ATP2B1: variants seen among roughly 807,000 people sequenced by gnomAD.
The protein encoded by ATP2B1 is plasma membrane calcium-transporting ATPase 1.
Under a neutral mutation model 124.2 loss-of-function variants are expected in ATP2B1, and 14 were observed. The ratio of observed to expected loss-of-function variants is 0.11; its 90% confidence interval spans 0.07 to 0.18. The LOEUF is 0.18. Ranked by LOEUF, ATP2B1 falls within the 10% of genes least tolerant of loss-of-function variation. ATP2B1 has a pLI of 1.00. For synonymous variants in ATP2B1, 449 were observed against 492.4 expected (o/e 0.91, Z 1.17); for missense variants, 763 against 1,466.1 (o/e 0.52, Z 7.83).
chr12:89,686,717 T>A (rs1890013313), intron 1 of ATP2B1, among the ~76,000 whole-genome samples: 1 of 152,112 alleles, frequency 6.6e-6, no homozygotes, highest in Non-Finnish European at 1.5e-5. Context: ...CATCGGTGCA[T>A]GGCATATTTA....
intron 1 of ATP2B1, among the ~76,000 whole-genome samples, chr12:89,683,593 T>C (rs973171102): frequency 4.6e-5 from 7 of 152,238 alleles, no homozygotes; most frequent in Non-Finnish European, 7.3e-5. Context: ...CCCGTAACTA[T>C]TCTATCCAGC....
chr12:89,673,360 TCTC>T (rs1286478571), intron 1 of ATP2B1, among the ~76,000 whole-genome samples: 3 of 152,224 alleles, frequency 2.0e-5, no homozygotes, highest in African/African-American at 4.8e-5. Context: ...ATATATGCGC[TCTC>T]GTCTTTCCTA....
intron 11 of ATP2B1, 51 bp downstream of exon 11, chr12:89,619,948 C>T (rs753825646): frequency 9.4e-6 from 15 of 1,597,854 alleles, no homozygotes; most frequent in Non-Finnish European, 1.2e-5. Context: ...GTAGATACTC[C>T]ATAAAGCAAC....
chr12:89,616,432 A>G (rs891944695), intron 12 of ATP2B1, among the ~76,000 whole-genome samples: 10 of 152,200 alleles, frequency 6.6e-5, no homozygotes, highest in African/African-American at 2.4e-4. Context: ...GTACTAAACA[A>G]TATACAGAAC....
At chr12:89,619,442 A>G (rs1229098960) in intron 11 of ATP2B1, among the ~76,000 whole-genome samples, 1 of 151,478 alleles carries the variant, frequency 6.6e-6, no homozygotes, top group Non-Finnish European at 1.5e-5. Context: ...TGAAACCCTG[A>G]CTCTACTAAA....
chr12:89,643,805 A>C (rs568799001), intron 2 of ATP2B1, among the ~76,000 whole-genome samples: 6 of 152,338 alleles, frequency 3.9e-5, no homozygotes, highest in African/African-American at 1.2e-4. Context: ...AGAATGCTAG[A>C]GAAGCCAGGC....
At chr12:89,612,576 T>C (rs982698884) in intron 12 of ATP2B1, among the ~76,000 whole-genome samples, 1 of 152,210 alleles carries the variant, frequency 6.6e-6, no homozygotes, top group Non-Finnish European at 1.5e-5. Context: ...AATCTCTTCA[T>C]ACTTAATGTT....
At chr12:89,682,599 G>T (rs1342850979) in intron 1 of ATP2B1, among the ~76,000 whole-genome samples, 1 of 152,202 alleles carries the variant, frequency 6.6e-6, no homozygotes, top group Admixed American at 6.5e-5. Context: ...AATCATTTGT[G>T]AGGGAGAGGA....
chr12:89,665,800 T>C (rs1279021865), intron 1 of ATP2B1, among the ~76,000 whole-genome samples: 1 of 152,180 alleles, frequency 6.6e-6, no homozygotes, highest in Non-Finnish European at 1.5e-5. Context: ...GCTTCTATCC[T>C]GTCAATTCAC....
chr12:89,639,482 C>T (rs1405972162), intron 3 of ATP2B1, among the ~76,000 whole-genome samples: 6 of 151,408 alleles, frequency 4.0e-5, no homozygotes, highest in Non-Finnish European at 5.9e-5. Flanking sequence ...CCAGCCTGGG[C>T]GACACAGTGA....
At chr12:89,677,470 T>C (rs534336068) in intron 1 of ATP2B1, among the ~76,000 whole-genome samples, 1 of 152,246 alleles carries the variant, frequency 6.6e-6, no homozygotes, top group South Asian at 2.1e-4. Context: ...ACACTTTAAA[T>C]GGAAGAACAC....
At chr12:89,680,841 C>T (rs1053880210) in intron 1 of ATP2B1, among the ~76,000 whole-genome samples, 2 of 151,860 alleles carry the variant, frequency 1.3e-5, no homozygotes, top group Non-Finnish European at 2.9e-5. Context: ...AACAAAAAAA[C>T]AAACATTACT....
chr12:89,705,895 G>C (rs1401558806), intron 1 of ATP2B1, among the ~76,000 whole-genome samples: 1 of 152,162 alleles, frequency 6.6e-6, no homozygotes, highest in African/African-American at 2.4e-5. Context: ...AGTGTTGAAT[G>C]AAACCTTAAA....
At chr12:89,674,334 G>A (rs1444220856) in intron 1 of ATP2B1, among the ~76,000 whole-genome samples, 2 of 149,758 alleles carry the variant, frequency 1.3e-5, no homozygotes, top group African/African-American at 2.5e-5. Flanking sequence ...TCAAAGCAGT[G>A]TCTGATTAGA....
chr12:89,651,824 G>A (rs980552951), intron 2 of ATP2B1, among the ~76,000 whole-genome samples: 2 of 152,136 alleles, frequency 1.3e-5, no homozygotes, highest in African/African-American at 4.8e-5. Context: ...GTGAGACTCT[G>A]GGTAAACTGC....
chr12:89,666,124 A>C (rs1371111411), intron 1 of ATP2B1, among the ~76,000 whole-genome samples: 1 of 152,198 alleles, frequency 6.6e-6, no homozygotes, highest in East Asian at 1.9e-4. Flanking sequence ...GTAAATCAAT[A>C]CTCACTTCTG....
chr12:89,596,304 C>G (rs774436261), intron 20 of ATP2B1, among the ~76,000 whole-genome samples: 1 of 151,980 alleles, frequency 6.6e-6, no homozygotes, highest in African/African-American at 2.4e-5. Flanking sequence ...TCAGACAAAT[C>G]TGGAATGTAG....
intron 1 of ATP2B1, among the ~76,000 whole-genome samples, chr12:89,669,633 T>A (rs981016737): frequency 1.3e-5 from 2 of 152,174 alleles, no homozygotes; most frequent in African/African-American, 4.8e-5. Flanking sequence ...ATCATCCCAA[T>A]GTCTTAGAGC....
At chr12:89,619,618 T>TGA (rs1555197515) in intron 11 of ATP2B1, among the ~76,000 whole-genome samples, 7 of 123,134 alleles carry the variant, frequency 5.7e-5, no homozygotes, top group Non-Finnish European at 1.2e-4. Flanking sequence ...CTTAAACAAA[T>TGA]AAAAAAAAAA....
Sources: allele counts gnomAD v4.1 joint callset (sites outside exome capture counted in the v4.1 genomes callset), GRCh38; gene constraint gnomAD v4.1.1; transcripts MANE v1.5; gene names NCBI Gene and HGNC (gene_info 2026-07-23, HGNC 2026-07-21).